Variants in DOCK10 observed in about 807,000 individuals in gnomAD.
The protein encoded by DOCK10 is dedicator of cytokinesis 10.
Under a neutral mutation model 280.1 loss-of-function variants are expected in DOCK10, and 145 were observed. That is an observed-to-expected ratio of 0.52 (90% CI 0.45 to 0.59). The LOEUF is 0.59. Among genes scored for constraint, DOCK10 ranks in the 20% least tolerant of loss-of-function variants. DOCK10 has a pLI of 0.00. For missense variants in DOCK10, 2,368 were observed against 2,651.7 expected, an observed-to-expected ratio of 0.89 and a Z score of 2.35; for synonymous variants, 915 against 942.2, an observed-to-expected ratio of 0.97 and a Z score of 0.53.
chr2:224,816,527 A>T, intron 30 of DOCK10, 90 bp downstream of exon 30: 1 of 821,976 alleles, frequency 1.2e-6, no homozygotes. Flanking sequence ...GACTGAAGAA[A>T]CAGGAAAATA....
intron 31 of DOCK10, among the ~76,000 whole-genome samples, chr2:224,811,512 G>T (rs1214557802): frequency 1.3e-5 from 2 of 151,914 alleles, no homozygotes; most frequent in African/African-American, 2.4e-5. Flanking sequence ...TGTCAATTTT[G>T]GCTTTTGTTG....
intron 2 of DOCK10, among the ~76,000 whole-genome samples, chr2:224,918,602 CGTGT>C (rs1281272553): frequency 1.2e-4 from 16 of 132,932 alleles, no homozygotes; most frequent in African/African-American, 2.7e-4. Flanking sequence ...GTGTGTGGTG[CGTGT>C]GTATGTGGGG....
Position 225,014,101 on chromosome 2 carries a change from T to TTG in DOCK10, c.123+28150_123+28151insCA, listed in dbSNP as rs1553632539. Among the ~76,000 whole-genome samples, 590 of 148,172 alleles carry TTG rather than the reference T, an allele frequency of 4.0e-3. 10 individuals carry two copies. The highest frequency in any genetic ancestry group is 0.014 in the African/African-American group (558 of 40,030). On this transcript the variant is annotated intron_variant, in intron 1 of 55. Coordinates refer to ENST00000258390, the MANE Select transcript of DOCK10 (RefSeq NM_014689.3). ...AATATATTGTTTTTTTTTTTTTGTT[T>TTG]TTTTTTTTAAGAAATACAGGTTAAA...
chr2:224,856,856 A>G lies in DOCK10; in HGVS notation c.1808+4T>C. 6.3e-7 allele frequency: 1 copy of G among 1,598,626 alleles called. No individual in the cohort carries two copies. The highest frequency in any genetic ancestry group is 8.5e-7 in the Non-Finnish European group (1 of 1,172,716). ...TTAATTTCGAGAGTATAAAAAAAACATACCTTCTATAATCTGATACTAGTT... is the reference window on the plus strand; with the variant it reads ...TTAATTTCGAGAGTATAAAAAAAACGTACCTTCTATAATCTGATACTAGTT... On this transcript the variant is annotated splice_donor_region_variant and intron_variant, in intron 15 of 55. Transcript: ENST00000258390.
intron 1 of DOCK10, among the ~76,000 whole-genome samples, chr2:225,015,608 A>G (rs775283339): frequency 6.6e-6 from 1 of 152,190 alleles, no homozygotes; most frequent in African/African-American, 2.4e-5. Context: ...CAGCTCGGCC[A>G]TGGCTGAGAG....
chr2:224,785,355 C>T (rs993297015), intron 50 of DOCK10, among the ~76,000 whole-genome samples: 1 of 151,818 alleles, frequency 6.6e-6, no homozygotes, highest in Admixed American at 6.6e-5. Context: ...GTTTCTCTGT[C>T]TCCACTATCC....
At chr2:224,839,185 T>C (rs1270836316) in intron 24 of DOCK10, among the ~76,000 whole-genome samples, 5 of 151,648 alleles carry the variant, frequency 3.3e-5, no homozygotes, top group African/African-American at 1.2e-4. Context: ...TTCATGCCAT[T>C]CTCCTGCCTC....
intron 1 of DOCK10, chr2:224,983,772 T>A: frequency 2.1e-6 from 1 of 471,084 alleles, no homozygotes; most frequent in Non-Finnish European, 4.4e-6. Flanking sequence ...GCCAGTAGTT[T>A]TTCATCTCCC....
Position 224,864,953 on chromosome 2 carries a change from A to G in DOCK10, c.1392T>C (p.Asn464=). 1 of 1,613,822 alleles carries G rather than the reference A, an allele frequency of 6.2e-7. No homozygotes were observed. Among genetic ancestry groups the G allele is most frequent in the Non-Finnish European group, 8.5e-7 (1 of 1,179,834 alleles). ...TTGGAGTGATGGTGTCGATGTTGCC[A>G]TTTTCCAAAGCCACAGAAGCCCCCA... ...MLLGASVALE[N]GNIDTITPRQ... The change falls in exon 12 of 56, where the codon AAT becomes AAC. Residue 464 remains asparagine (N), a synonymous_variant. Coordinates refer to ENST00000258390, the MANE Select transcript of DOCK10 (RefSeq NM_014689.3).
At chr2:224,941,893 A>G (rs941758205) in intron 1 of DOCK10, among the ~76,000 whole-genome samples, 12 of 151,768 alleles carry the variant, frequency 7.9e-5, no homozygotes, top group African/African-American at 2.9e-4. Flanking sequence ...GAAAAGGTAG[A>G]TTTAAGGAAC....
chr2:224,797,093 GT>G lies in DOCK10; in HGVS notation c.4697del (p.Tyr1566SerfsTer4), dbSNP rs1692632235. 1 of 1,613,276 alleles carries G rather than the reference GT, an allele frequency of 6.2e-7. No individual in the cohort carries two copies. Among genetic ancestry groups the G allele is most frequent in the Non-Finnish European group, 8.5e-7 (1 of 1,179,618 alleles). On this transcript the variant is annotated frameshift_variant, in exon 43 of 56. Transcript: ENST00000258390. LOFTEE classifies it high-confidence loss of function. ...GPADLCGSFC[Y>X]EVLKCCNHRS... ...TGTGGTTACAGCATTTTAGGACTTCGTAACAGAATGATCCACAGAGGTCAGC... is the reference window on the plus strand; with the variant it reads ...TGTGGTTACAGCATTTTAGGACTTCGAACAGAATGATCCACAGAGGTCAGC...
chr2:224,771,943 T>G (rs138082870), intron 53 of DOCK10, among the ~76,000 whole-genome samples: 1,563 of 151,116 alleles, frequency 0.01, 23 homozygotes, highest in African/African-American at 0.036. Flanking sequence ...TTTTTTGAGA[T>G]GGAGTCTTGC....
intron 4 of DOCK10, among the ~76,000 whole-genome samples, chr2:224,888,676 T>C (rs1363365055): frequency 1.3e-5 from 2 of 152,088 alleles, no homozygotes; most frequent in African/African-American, 2.4e-5. Flanking sequence ...TATATATGTG[T>C]GAATATATAT....
intron 1 of DOCK10, among the ~76,000 whole-genome samples, chr2:224,988,615 G>A (rs542319143): frequency 3.3e-5 from 5 of 152,274 alleles, no homozygotes; most frequent in Admixed American, 2.0e-4. Context: ...TGTGGCAGGC[G>A]GTAGTGAGGC....
chr2:224,826,633 A>T (rs1374507606), intron 27 of DOCK10, among the ~76,000 whole-genome samples: 1 of 152,200 alleles, frequency 6.6e-6, no homozygotes, highest in Non-Finnish European at 1.5e-5. Context: ...TCACGCCTGT[A>T]ATCCCAGTAC....
At chr2:224,825,393 A>G (rs1694777695) in intron 27 of DOCK10, among the ~76,000 whole-genome samples, 1 of 152,266 alleles carries the variant, frequency 6.6e-6, no homozygotes, top group East Asian at 1.9e-4. Context: ...AAATAAATTA[A>G]CAACTAATGA....
Position 224,806,479 on chromosome 2 carries a change from T to C in DOCK10, c.3703-242A>G, listed in dbSNP as rs145512363. On this transcript the variant is annotated intron_variant, in intron 33 of 55. Coordinates refer to ENST00000258390, the MANE Select transcript of DOCK10 (RefSeq NM_014689.3). ...GTAGAAACAATCTTTTAGATACAGA[T>C]ATACAGACTACATGGCTGGATTGGT... 4.0e-3 allele frequency among the ~76,000 whole-genome samples: 608 copies of C among 152,336 alleles called. 5 individuals carry two copies. Among genetic ancestry groups the C allele is most frequent in the African/African-American group, 0.014 (574 of 41,572 alleles).
chr2:224,998,541 C>G (rs985827996), intron 1 of DOCK10, among the ~76,000 whole-genome samples: 2 of 152,082 alleles, frequency 1.3e-5, no homozygotes, highest in Non-Finnish European at 2.9e-5. Flanking sequence ...TTCCTCTCCC[C>G]TCTCCTGGTT....
At chr2:224,830,675 T>C in intron 26 of DOCK10, 63 bp from the exon 27 acceptor site, 1 of 969,678 alleles carries the variant, frequency 1.0e-6, no homozygotes, top group South Asian at 2.0e-5. Flanking sequence ...GATAATTTTT[T>C]CTTTGCAATA....
Sources: gnomAD v4.1 joint callset for allele counts (sites outside exome capture counted in the v4.1 genomes callset) on GRCh38, gnomAD v4.1.1 for gene constraint, MANE v1.5 for transcripts, NCBI Gene and HGNC (gene_info 2026-07-23, HGNC 2026-07-21) for gene names.